RIMS3: variants seen among roughly 807,000 people sequenced by gnomAD.
The protein encoded by RIMS3 is regulating synaptic membrane exocytosis protein 3.
Under a neutral mutation model 29.2 loss-of-function variants are expected in RIMS3, and 15 were observed. That is an observed-to-expected ratio of 0.51 (90% CI 0.34 to 0.79). RIMS3 has a LOEUF of 0.79. RIMS3 is among the 30% of genes least tolerant of loss of function. The pLI is 0.01. For missense variants in RIMS3, 342 were observed against 421.4 expected (o/e 0.81, Z 1.65); for synonymous variants, 161 against 170.1 (o/e 0.95, Z 0.41).
chr1:40,665,908 C>A (rs558831454), upstream of RIMS3, among the ~76,000 whole-genome samples: 1 of 152,176 alleles, frequency 6.6e-6, no homozygotes, highest in African/African-American at 2.4e-5. Context: ...GACTCTCTTG[C>A]CTCCTGCCCG....
intron 2 of RIMS3, among the ~76,000 whole-genome samples, chr1:40,645,205 G>A (rs1052967098): frequency 6.6e-6 from 1 of 152,186 alleles, no homozygotes; most frequent in Non-Finnish European, 1.5e-5. Flanking sequence ...CAATTCTAGT[G>A]CCAGTGTGTG....
Position 40,626,046 on chromosome 1 carries a change from T to A in RIMS3, c.*471A>T. 5.6e-6 allele frequency: 1 copy of A among 177,972 alleles called. No individual in the cohort carries two copies. The allele number at this position is 177,972 out of a possible 1,614,324, so 11.0% of individuals were successfully genotyped here. On this transcript the variant is annotated 3_prime_UTR_variant, in exon 8 of 8. Coordinates refer to ENST00000372684, the MANE Select transcript of RIMS3 (RefSeq NM_014747.3). ...GTGGCAGAGCCGGGAGAGTCAAGAG[T>A]GGAACAAAAGACAAGACAGAAAACA...
At chr1:40,628,232 C>T (rs532782142) in intron 7 of RIMS3, among the ~76,000 whole-genome samples, 1 of 152,330 alleles carries the variant, frequency 6.6e-6, no homozygotes, top group South Asian at 2.1e-4. Flanking sequence ...TGCTTTATCC[C>T]CACGTGACCT....
chr1:40,680,632 G>A, the RIMS3 span, among the ~76,000 whole-genome samples: 1 of 151,986 alleles, frequency 6.6e-6, no homozygotes, highest in Admixed American at 6.6e-5. Flanking sequence ...ATGCCCAGCA[G>A]ATAAACAGAT....
chr1:40,629,711 G>A (rs1310224424), intron 5 of RIMS3, among the ~76,000 whole-genome samples: 1 of 152,156 alleles, frequency 6.6e-6, no homozygotes, highest in Non-Finnish European at 1.5e-5. Context: ...AGAGCTTCCT[G>A]TGTCAGGAAG....
chr1:40,685,329 TA>T, the RIMS3 span, among the ~76,000 whole-genome samples: 2 of 18,292 alleles, frequency 1.1e-4, no homozygotes, highest in Non-Finnish European at 2.4e-4. Flanking sequence ...TATTAATATA[TA>T]ATATAATTAT....
At chr1:40,667,472 C>T (rs1451549880), upstream of RIMS3, among the ~76,000 whole-genome samples, 1 of 152,130 alleles carries the variant, frequency 6.6e-6, no homozygotes, top group Non-Finnish European at 1.5e-5. Flanking sequence ...GACAGGTAAA[C>T]CAGGGGTTCC....
chr1:40,636,181 C>T lies in RIMS3; in HGVS notation c.218-124G>A. 1.6e-6 allele frequency: 2 copies of T among 1,260,646 alleles called. No individual in the cohort carries two copies. Among genetic ancestry groups the T allele is most frequent in the Middle Eastern group, 2.1e-4 (1 of 4,782 alleles). The allele number at this position is 1,260,646 out of a possible 1,614,324, so 78.1% of individuals were successfully genotyped here. On this transcript the variant is annotated intron_variant, in intron 3 of 7. Coordinates refer to ENST00000372684, the MANE Select transcript of RIMS3 (RefSeq NM_014747.3). This position sits in a 1 kb window ranked among gnomAD's most constrained non-coding sequence, Gnocchi z 4.2. ...GGGTTGATGGGGAGGATGAGCAGGG[C>T]TCTGACTGGAGGCAGGGGCATGGCT...
Position 40,651,362 on chromosome 1 carries a change from G to A in RIMS3, c.-206-3520C>T, listed in dbSNP as rs190439181. The stretch of plus-strand genomic sequence containing the variant: ...CGTCAATGCGCCAAGGAACGCCAAG[G>A]ATTGCCACCTGTCACCAGAAGCCAG... On this transcript the variant is annotated intron_variant, in intron 1 of 7. Coordinates refer to ENST00000372684, the MANE Select transcript of RIMS3 (RefSeq NM_014747.3). Among the ~76,000 whole-genome samples, 11 of 152,340 alleles carry A rather than the reference G, an allele frequency of 7.2e-5. No individual in the cohort carries two copies. In the East Asian group the frequency reaches 1.7e-3, roughly 24 times the overall value.
At chr1:40,662,729 T>C (rs1356401252) in intron 1 of RIMS3, among the ~76,000 whole-genome samples, 1 of 152,228 alleles carries the variant, frequency 6.6e-6, no homozygotes, top group Non-Finnish European at 1.5e-5. Flanking sequence ...CTGCCAGCTC[T>C]AGACTAGGTA....
In RIMS3 at chr1:40,624,028, T is replaced by A. The variant is rs1570164906; in HGVS notation, c.*2489A>T. On this transcript the variant is annotated 3_prime_UTR_variant, in exon 8 of 8. Coordinates refer to ENST00000372684, the MANE Select transcript of RIMS3 (RefSeq NM_014747.3). Reference sequence around the variant, plus strand: ...AGTTTTGGCAGCCAGGGACTGTAGGTAGGTCAGCCCAAGTTACCAGCACAT... The same window carrying A: ...AGTTTTGGCAGCCAGGGACTGTAGGAAGGTCAGCCCAAGTTACCAGCACAT... The A allele has an allele frequency of 6.6e-6, 1 of 152,270 alleles. No homozygotes were observed. The highest frequency in any genetic ancestry group is 1.5e-5 in the Non-Finnish European group (1 of 68,144). The allele number at this position is 152,270 out of a possible 1,614,324, so 9.4% of individuals were successfully genotyped here. A position where few individuals can be genotyped will look rare whatever the true frequency, so the allele number is the denominator to read the frequency against.
At position 40,664,043 on chromosome 1, in the gene RIMS3, C is replaced by A. The variant is rs569470268; in HGVS notation, c.-207+1351G>T. 2.6e-5 allele frequency among the ~76,000 whole-genome samples: 4 copies of A among 152,246 alleles called. No individual in the cohort carries two copies. The South Asian group carries it at 8.3e-4, about 32-fold the overall frequency. On this transcript the variant is annotated intron_variant, in intron 1 of 7. Transcript: ENST00000372684. ...AAGTGGCAGAGCTTGGGTTTGAAGC[C>A]AAGTTTAACCAACTCTGGGCTTCAT...
chr1:40,663,327 C>CA (rs980190999), intron 1 of RIMS3, among the ~76,000 whole-genome samples: 2 of 152,178 alleles, frequency 1.3e-5, no homozygotes, highest in African/African-American at 4.8e-5. Context: ...GGGGTACACA[C>CA]AGAGACCTCT....
At chr1:40,644,065 G>GA (rs1022385260) in intron 2 of RIMS3, among the ~76,000 whole-genome samples, 1 of 149,402 alleles carries the variant, frequency 6.7e-6, no homozygotes, top group Non-Finnish European at 1.5e-5. Flanking sequence ...GAAAGGTGGG[G>GA]GGCTCTCTCT....
rs1487789017 is a variant in RIMS3 at position 40,633,091 on chromosome 1, C to T, written c.450G>A (p.Gln150=). Residue 150 remains glutamine, a synonymous_variant, in exon 5 of 8, where the codon CAG becomes CAA. Transcript: ENST00000372684. The stretch of plus-strand genomic sequence containing the variant: ...CACCCATGGGTGGTGTTGCCAGTGT[C>T]TGTCGCCCCACAATCTGAGCTGGTC... ...GLGPAQIVGR[Q]TLATPPMGDV... is the part of the protein sequence containing the mutation. 1 of 1,614,160 alleles carries T rather than the reference C, an allele frequency of 6.2e-7. No individual in the cohort carries two copies. Among genetic ancestry groups the T allele is most frequent in the Admixed American group, 1.7e-5 (1 of 60,032 alleles).
chr1:40,690,037 C>G, the RIMS3 span, among the ~76,000 whole-genome samples: 2 of 152,164 alleles, frequency 1.3e-5, no homozygotes, highest in South Asian at 2.1e-4. Context: ...CTAATTTCCT[C>G]TATGTAGATT....
At chr1:40,629,680 C>T (rs1439228045) in intron 5 of RIMS3, among the ~76,000 whole-genome samples, 1 of 152,072 alleles carries the variant, frequency 6.6e-6, no homozygotes, top group Non-Finnish European at 1.5e-5. Context: ...TTTTACTGAG[C>T]AGAATAGCAA....
intron 1 of RIMS3, among the ~76,000 whole-genome samples, chr1:40,659,583 G>A (rs991321999): frequency 5.9e-5 from 9 of 152,180 alleles, no homozygotes; most frequent in African/African-American, 2.2e-4. Flanking sequence ...GGATTCCTGA[G>A]CCCACAGAGT....
chr1:40,630,082 A>G (rs1249981558), intron 5 of RIMS3, among the ~76,000 whole-genome samples: 1 of 151,836 alleles, frequency 6.6e-6, no homozygotes, highest in East Asian at 1.9e-4. Flanking sequence ...AAAAAAAAAA[A>G]AAAAAAGAAA....
Sources: gnomAD v4.1 joint callset for allele counts (sites outside exome capture counted in the v4.1 genomes callset) on GRCh38, gnomAD v4.1.1 for gene constraint, Gnocchi (gnomAD v3.1) non-coding constraint, MANE v1.5 for transcripts, NCBI Gene and HGNC (gene_info 2026-07-23, HGNC 2026-07-21) for gene names.